The following PXDNL variants were observed in gnomAD, a reference collection of about 807,000 sequenced individuals.
The protein encoded by PXDNL is probable oxidoreductase PXDNL.
In PXDNL, 145 loss-of-function variants were observed where a neutral mutation model predicts 150.8. The ratio of observed to expected loss-of-function variants is 0.96; its 90% CI spans 0.84 to 1.10. The LOEUF (loss-of-function observed/expected upper bound fraction) is 1.10, where lower values mean the gene tolerates loss of function less well. Ranked by LOEUF, PXDNL falls within the 50% of genes least tolerant of loss-of-function variation. The pLI is 0.00. For synonymous variants in PXDNL, 757 were observed against 725.7 expected (o/e 1.04, Z -0.69); for missense variants, 2,087 against 1,873.9 (o/e 1.11, Z -2.10).
chr8:51,608,002 G>GAAGAAAGAAAGAAAGAGAAAGAAAGA (rs1554557474), intron 2 of PXDNL, among the ~76,000 whole-genome samples: 9 of 64,672 alleles, frequency 1.4e-4, no homozygotes, highest in Admixed American at 6.8e-4. Context: ...AGGAAGGAAG[G>GAAGAAAGAAAGAAAGAGAAAGAAAGA]AAGAAAGAAA....
At chr8:51,334,546 G>T (rs191979841) in intron 21 of PXDNL, among the ~76,000 whole-genome samples, 1 of 152,182 alleles carries the variant, frequency 6.6e-6, no homozygotes, top group African/African-American at 2.4e-5. Context: ...TCTTTGAAAA[G>T]ATAAATAAAA....
chr8:51,579,729 T>C (rs907703188), intron 3 of PXDNL, among the ~76,000 whole-genome samples: 7 of 152,218 alleles, frequency 4.6e-5, no homozygotes, highest in Admixed American at 3.3e-4. Context: ...CTCAGATGTC[T>C]TTCAATAGGT....
At chr8:51,373,142 GGTAAAAATA>G (rs1381836359) in intron 18 of PXDNL, among the ~76,000 whole-genome samples, 1 of 152,264 alleles carries the variant, frequency 6.6e-6, no homozygotes, top group East Asian at 1.9e-4. Context: ...AGGTATTTAA[GGTAAAAATA>G]GATCACGTGT....
chr8:51,350,278 G>GAC (rs1033594629), intron 19 of PXDNL, among the ~76,000 whole-genome samples: 8 of 150,710 alleles, frequency 5.3e-5, no homozygotes, highest in Non-Finnish European at 1.2e-4. Context: ...GGATTGGTCT[G>GAC]ACCAGGTATG....
intron 17 of PXDNL, among the ~76,000 whole-genome samples, chr8:51,397,594 T>C (rs1808122605): frequency 6.6e-6 from 1 of 152,154 alleles, no homozygotes. Flanking sequence ...CAATGTACTG[T>C]AAGTATTTTA....
chr8:51,805,028 C>T (rs764009941), intron 1 of PXDNL, among the ~76,000 whole-genome samples: 1 of 151,870 alleles, frequency 6.6e-6, no homozygotes, highest in South Asian at 2.1e-4. Context: ...CTCCACAGAA[C>T]CACACTGGCC....
At chr8:51,785,041 T>C (rs1047782924) in intron 1 of PXDNL, among the ~76,000 whole-genome samples, 2 of 152,218 alleles carry the variant, frequency 1.3e-5, no homozygotes, top group African/African-American at 4.8e-5. Context: ...TATATTTCTC[T>C]TAGGCAAATG....
Position 51,731,151 on chromosome 8 carries a change from C to A in PXDNL, c.165-76391G>T, listed in dbSNP as rs141234840. Among the ~76,000 whole-genome samples the A allele has an allele frequency of 5.8e-3, 884 of 152,272 alleles. 9 individuals carry two copies. The highest frequency in any genetic ancestry group is 0.017 in the Middle Eastern group (5 of 294). On this transcript the variant is annotated intron_variant, in intron 1 of 22. Transcript: ENST00000356297. ...ATCCAAAGTTTCATCAAAGACAAGA[C>A]AAGTCCCTTCCACCTAAGAGCCTGT...
At chr8:51,603,719 T>C (rs1813778253) in intron 2 of PXDNL, among the ~76,000 whole-genome samples, 1 of 152,172 alleles carries the variant, frequency 6.6e-6, no homozygotes, top group East Asian at 1.9e-4. Context: ...TAATAGTAGA[T>C]AATATGTCTT....
intron 1 of PXDNL, among the ~76,000 whole-genome samples, chr8:51,746,178 C>T (rs1397611206): frequency 6.6e-6 from 1 of 152,162 alleles, no homozygotes; most frequent in Non-Finnish European, 1.5e-5. Context: ...TTAGTTAAAC[C>T]CCTCATCTTC....
intron 5 of PXDNL, among the ~76,000 whole-genome samples, chr8:51,499,085 G>A (rs1006735952): frequency 6.6e-6 from 1 of 152,068 alleles, no homozygotes; most frequent in African/African-American, 2.4e-5. Flanking sequence ...CTAGATCTTA[G>A]GGGATGTATA....
intron 1 of PXDNL, among the ~76,000 whole-genome samples, chr8:51,707,178 G>T (rs753707823): frequency 6.6e-6 from 1 of 151,962 alleles, no homozygotes; most frequent in Non-Finnish European, 1.5e-5. Flanking sequence ...TGTTTTGCTC[G>T]CTCTCTCTCT....
At chr8:51,782,224 T>C (rs1465348958) in intron 1 of PXDNL, among the ~76,000 whole-genome samples, 3 of 152,156 alleles carry the variant, frequency 2.0e-5, no homozygotes, top group Non-Finnish European at 4.4e-5. Context: ...CAGTGTTGCC[T>C]GGCCTTCAGA....
chr8:51,370,893 G>A (rs754588324), intron 19 of PXDNL, among the ~76,000 whole-genome samples: 20 of 152,154 alleles, frequency 1.3e-4, no homozygotes, highest in Admixed American at 2.6e-4. Flanking sequence ...CTCCGCACCC[G>A]GCCAGTGTTC....
intron 12 of PXDNL, among the ~76,000 whole-genome samples, chr8:51,430,108 T>C (rs1010690068): frequency 2.0e-5 from 3 of 152,188 alleles, no homozygotes; most frequent in Non-Finnish European, 2.9e-5. Flanking sequence ...TGCTTTCACC[T>C]CCTGACACAA....
At chr8:51,543,391 C>T (rs943415337) in intron 4 of PXDNL, among the ~76,000 whole-genome samples, 5 of 152,106 alleles carry the variant, frequency 3.3e-5, no homozygotes, top group Admixed American at 1.3e-4. Flanking sequence ...AAATATCCCA[C>T]TTAGAAATAA....
intron 1 of PXDNL, among the ~76,000 whole-genome samples, chr8:51,744,360 A>T (rs1190520151): frequency 1.3e-5 from 2 of 151,430 alleles, no homozygotes; most frequent in Non-Finnish European, 2.9e-5. Flanking sequence ...GAAAGAAAAG[A>T]GAGAGAAAGA....
intron 1 of PXDNL, among the ~76,000 whole-genome samples, chr8:51,732,552 C>G (rs1816953976): frequency 6.6e-6 from 1 of 152,156 alleles, no homozygotes; most frequent in Admixed American, 6.5e-5. Flanking sequence ...GGTACCTTTA[C>G]AACAGCGCCC....
intron 1 of PXDNL, among the ~76,000 whole-genome samples, chr8:51,659,839 T>C (rs987852675): frequency 3.3e-5 from 5 of 151,864 alleles, no homozygotes; most frequent in African/African-American, 4.8e-5. Context: ...TCTATGACTG[T>C]CCAATTCACA....
Sources: gnomAD v4.1 joint callset for allele counts (sites outside exome capture counted in the v4.1 genomes callset) on GRCh38, gnomAD v4.1.1 for gene constraint, MANE v1.5 for transcripts, NCBI Gene and HGNC (gene_info 2026-07-23, HGNC 2026-07-21) for gene names.